Variants in NELL1 observed in about 807,000 individuals in gnomAD.
NELL1 encodes the protein protein kinase C-binding protein NELL1.
In NELL1, 76 loss-of-function variants were observed where a neutral mutation model predicts 107.4. That is an observed-to-expected ratio of 0.71 (90% CI 0.59 to 0.86). The LOEUF is 0.86. Among genes scored for constraint, NELL1 ranks in the 40% least tolerant of loss-of-function variants. The probability of loss-of-function intolerance (pLI) is 0.00; values close to 1 mark genes in which losing one functional copy is unlikely to be tolerated. For synonymous variants in NELL1, 353 were observed against 341.2 expected, an observed-to-expected ratio of 1.03 and a Z score of -0.38; for missense variants, 1,024 against 1,005.5, an observed-to-expected ratio of 1.02 and a Z score of -0.25.
chr11:20,706,196 T>C (rs540040995), intron 2 of NELL1, among the ~76,000 whole-genome samples: 1 of 152,308 alleles, frequency 6.6e-6, no homozygotes, highest in Non-Finnish European at 1.5e-5. Flanking sequence ...TAAATCATGC[T>C]GCTATAAAGA....
chr11:20,718,527 T>A (rs768937245), intron 2 of NELL1, among the ~76,000 whole-genome samples: 1 of 152,000 alleles, frequency 6.6e-6, no homozygotes, highest in Non-Finnish European at 1.5e-5. Flanking sequence ...AGCTATGTGC[T>A]AGGCACAGTA....
At chr11:20,991,709 C>T (rs377264279) in intron 12 of NELL1, among the ~76,000 whole-genome samples, 2 of 152,318 alleles carry the variant, frequency 1.3e-5, no homozygotes, top group Admixed American at 6.5e-5. Flanking sequence ...GCTGATCCTG[C>T]CTGCCTTTAG....
In NELL1 at chr11:21,285,259, G is replaced by C. The variant is rs138353604; in HGVS notation, c.1549+55805G>C. Among the ~76,000 whole-genome samples, 6 of 152,170 alleles carry C rather than the reference G, an allele frequency of 3.9e-5. No homozygotes were observed. The East Asian group carries it at 1.2e-3, about 29-fold the overall frequency. Reference sequence around the variant, plus strand: ...TCCCTTCTCTACGATATTATATACTGAATAAATCAGAGCTGTTTGTGGAGT... The same window carrying C: ...TCCCTTCTCTACGATATTATATACTCAATAAATCAGAGCTGTTTGTGGAGT... On this transcript the variant is annotated intron_variant, in intron 14 of 19. Coordinates refer to ENST00000357134, the MANE Select transcript of NELL1 (RefSeq NM_006157.5).
At chr11:21,317,030 C>T (rs1238445571) in intron 14 of NELL1, among the ~76,000 whole-genome samples, 1 of 151,944 alleles carries the variant, frequency 6.6e-6, no homozygotes, top group Non-Finnish European at 1.5e-5. Context: ...TAATATATTT[C>T]ATCTAATGTA....
At chr11:21,286,803 C>CA (rs1402844362) in intron 14 of NELL1, among the ~76,000 whole-genome samples, 29 of 152,180 alleles carry the variant, frequency 1.9e-4, no homozygotes, top group Non-Finnish European at 4.3e-4. Context: ...GGGTAAGCTC[C>CA]ACGTGTTTTC....
intron 12 of NELL1, among the ~76,000 whole-genome samples, chr11:21,050,585 G>T (rs1439527863): frequency 6.6e-6 from 1 of 152,092 alleles, no homozygotes; most frequent in South Asian, 2.1e-4. Context: ...CCATATCCTG[G>T]ATCAGCCTAC....
intron 15 of NELL1, among the ~76,000 whole-genome samples, chr11:21,471,184 A>G (rs1369254106): frequency 6.6e-6 from 1 of 152,020 alleles, no homozygotes; most frequent in East Asian, 1.9e-4. Context: ...CCATACATGA[A>G]TCATATTGTT....
At position 21,552,727 on chromosome 11, in the gene NELL1, C is replaced by T. The variant is rs1388256252; in HGVS notation, c.1787-7462C>T. 2.6e-5 allele frequency among the ~76,000 whole-genome samples: 4 copies of T among 151,742 alleles called. No homozygotes were observed. The Admixed American group carries it at 2.6e-4, about 10-fold the overall frequency. Reference sequence around the variant, plus strand: ...GAAATATGAAGAGAGGATCAAGATTCAAAGGGATAAAATCTTCCAAGAAAA... The same window carrying T: ...GAAATATGAAGAGAGGATCAAGATTTAAAGGGATAAAATCTTCCAAGAAAA... On this transcript the variant is annotated intron_variant, in intron 16 of 19. Coordinates refer to ENST00000357134, the MANE Select transcript of NELL1 (RefSeq NM_006157.5).
chr11:21,213,492 CAATTGAATTG>C (rs564816256), intron 13 of NELL1, among the ~76,000 whole-genome samples: 2 of 151,692 alleles, frequency 1.3e-5, no homozygotes, highest in African/African-American at 4.8e-5. Flanking sequence ...TCGACTGAAT[CAATTGAATTG>C]AATTGAATTG....
intron 15 of NELL1, among the ~76,000 whole-genome samples, chr11:21,503,156 C>T (rs1360634868): frequency 6.6e-6 from 1 of 152,244 alleles, no homozygotes; most frequent in Non-Finnish European, 1.5e-5. Context: ...GCCGGGACTA[C>T]AAGCGTGAGC....
intron 13 of NELL1, among the ~76,000 whole-genome samples, chr11:21,223,188 C>T (rs539008137): frequency 1.3e-5 from 2 of 152,066 alleles, no homozygotes; most frequent in East Asian, 3.9e-4. Context: ...CTCTCTCTCT[C>T]TTTCTCTTTC....
intron 2 of NELL1, among the ~76,000 whole-genome samples, chr11:20,745,251 T>C (rs745985233): frequency 3.9e-5 from 6 of 152,194 alleles, no homozygotes; most frequent in Non-Finnish European, 8.8e-5. Context: ...ATCTAATTTT[T>C]ATATGCCTTA....
intron 14 of NELL1, among the ~76,000 whole-genome samples, chr11:21,339,379 C>A (rs902136996): frequency 6.6e-6 from 1 of 152,110 alleles, no homozygotes; most frequent in African/African-American, 2.4e-5. Context: ...TCCCTTAGAG[C>A]CTTCAAAGGG....
At chr11:21,208,321 C>T (rs372759897) in intron 13 of NELL1, among the ~76,000 whole-genome samples, 14 of 151,714 alleles carry the variant, frequency 9.2e-5, no homozygotes, top group African/African-American at 2.4e-4. Flanking sequence ...GCATAACTCC[C>T]GTTTATCTTC....
rs1851344090 is a variant in NELL1 at position 21,370,882 on chromosome 11, G to A, written c.1579G>A (p.Gly527Arg). The change falls in exon 15 of 20, where the codon GGA becomes AGA. Residue 527 changes from glycine (G) to arginine (R), a missense_variant. Coordinates refer to ENST00000357134, the MANE Select transcript of NELL1 (RefSeq NM_006157.5). ...AFCEEGCRYG[G>R]TCVAPNKCVC... is the part of the protein sequence containing the mutation. The stretch of plus-strand genomic sequence containing the variant: ...CTGTGAAGAGGGCTGCAGATACGGT[G>A]GAACGTGTGTGGCTCCCAACAAATG... 2 of 1,611,922 alleles carry A rather than the reference G, an allele frequency of 1.2e-6. No individual in the cohort carries two copies. Among genetic ancestry groups the A allele is most frequent in the African/African-American group, 2.7e-5 (2 of 74,930 alleles).
At chr11:21,421,517 G>A (rs527637643) in intron 15 of NELL1, among the ~76,000 whole-genome samples, 5 of 152,078 alleles carry the variant, frequency 3.3e-5, no homozygotes, top group South Asian at 2.1e-4. Context: ...GATTACTATC[G>A]CTGCTTCTGA....
At chr11:20,778,959 TTC>T (rs1491008061) in intron 2 of NELL1, among the ~76,000 whole-genome samples, 1 of 151,720 alleles carries the variant, frequency 6.6e-6, no homozygotes, top group African/African-American at 2.4e-5. Context: ...TCTGTTTTTT[TTC>T]TCTCTCTCTC....
At position 20,731,960 on chromosome 11, in the gene NELL1, A is replaced by C. The variant is rs377542534; in HGVS notation, c.185-51720A>C. Among the ~76,000 whole-genome samples, 11 of 152,236 alleles carry C rather than the reference A, an allele frequency of 7.2e-5. No individual in the cohort carries two copies. The South Asian group carries it at 2.3e-3, about 32-fold the overall frequency. ...TGAGTAAAAGACTTCCCTTCATGCA[A>C]AATCACTGGTGTGCTCTCTAAACCA... On this transcript the variant is annotated intron_variant, in intron 2 of 19. Transcript: ENST00000357134.
intron 15 of NELL1, among the ~76,000 whole-genome samples, chr11:21,477,713 C>A (rs1012373431): frequency 6.6e-6 from 1 of 151,986 alleles, no homozygotes; most frequent in African/African-American, 2.4e-5. Context: ...AGTAAGGCAC[C>A]AGGAACAAAT....
Sources: allele counts gnomAD v4.1 joint callset (sites outside exome capture counted in the v4.1 genomes callset), GRCh38; gene constraint gnomAD v4.1.1; transcripts MANE v1.5; gene names NCBI Gene and HGNC (gene_info 2026-07-23, HGNC 2026-07-21).